Variants in SORCS1 observed in about 807,000 individuals in gnomAD.
SORCS1 encodes sortilin related VPS10 domain containing receptor 1.
Under a neutral mutation model 146.1 loss-of-function variants are expected in SORCS1, and 60 were observed. The observed-to-expected ratio is 0.41, with a 90% CI of 0.33 to 0.51. The LOEUF (loss-of-function observed/expected upper bound fraction) is 0.51, where lower values mean the gene tolerates loss of function less well. SORCS1 is among the 20% of genes least tolerant of loss of function. The pLI, the probability that SORCS1 is intolerant of heterozygous loss-of-function variation, is 0.21. For missense variants in SORCS1, 1,352 were observed against 1,487.6 expected (o/e 0.91, Z 1.50); for synonymous variants, 637 against 584.0 (o/e 1.09, Z -1.31).
At chr10:107,103,295 A>G (rs539964006) in intron 1 of SORCS1, among the ~76,000 whole-genome samples, 3 of 152,320 alleles carry the variant, frequency 2.0e-5, no homozygotes, top group African/African-American at 7.2e-5. Context: ...ACGCTAACCC[A>G]GCCCTTGATG....
chr10:106,671,589 C>T (rs546925025), intron 15 of SORCS1, among the ~76,000 whole-genome samples: 1 of 152,256 alleles, frequency 6.6e-6, no homozygotes, highest in African/African-American at 2.4e-5. Context: ...AAACAACATC[C>T]TTAATTTTGT....
chr10:106,987,613 T>A (rs1956538967), intron 1 of SORCS1, among the ~76,000 whole-genome samples: 1 of 152,164 alleles, frequency 6.6e-6, no homozygotes, highest in African/African-American at 2.4e-5. Context: ...TAAACATAGT[T>A]CCCGCCTACT....
intron 1 of SORCS1, among the ~76,000 whole-genome samples, chr10:107,035,934 CAT>C (rs961412125): frequency 4.0e-5 from 6 of 148,462 alleles, no homozygotes; most frequent in African/African-American, 9.8e-5. Context: ...ATGTTTATAA[CAT>C]ATATATAATA....
chr10:106,753,266 C>T (rs1858392685), intron 5 of SORCS1, among the ~76,000 whole-genome samples: 1 of 152,008 alleles, frequency 6.6e-6, no homozygotes, highest in African/African-American at 2.4e-5. Flanking sequence ...ACTAAATTCA[C>T]CAGGGGGCAG....
the SORCS1 span, among the ~76,000 whole-genome samples, chr10:107,176,914 A>T: frequency 1.3e-5 from 2 of 151,864 alleles, no homozygotes; most frequent in Non-Finnish European, 2.9e-5. Flanking sequence ...AATTTTATTA[A>T]TTTTTTTGGC....
intron 6 of SORCS1, among the ~76,000 whole-genome samples, chr10:106,724,797 CAA>C (rs1276029436): frequency 6.6e-6 from 1 of 152,174 alleles, no homozygotes; most frequent in Non-Finnish European, 1.5e-5. Context: ...ATCTTGACTA[CAA>C]AATATGTGAA....
intron 23 of SORCS1, among the ~76,000 whole-genome samples, chr10:106,606,607 G>A (rs1309809212): frequency 6.6e-6 from 1 of 151,958 alleles, no homozygotes; most frequent in Non-Finnish European, 1.5e-5. Context: ...CTAATTCATT[G>A]TAAACTCCAC....
chr10:106,851,422 T>G (rs1302845448), intron 2 of SORCS1, among the ~76,000 whole-genome samples: 1 of 152,246 alleles, frequency 6.6e-6, no homozygotes. Context: ...TATTTTTGCC[T>G]GTGGGTGTCC....
intron 1 of SORCS1, among the ~76,000 whole-genome samples, chr10:106,972,585 G>GC (rs1027921471): frequency 7.6e-6 from 1 of 132,428 alleles, no homozygotes; most frequent in African/African-American, 4.2e-5. Flanking sequence ...TCAGCTAGGT[G>GC]GGGGGGCTGA....
chr10:106,667,865 CAT>C lies in SORCS1; in HGVS notation c.2190-65_2190-64del, dbSNP rs1851286834. 8.9e-6 allele frequency: 10 copies of C among 1,126,802 alleles called. 1 individual carries two copies. In the South Asian group the frequency reaches 1.0e-4, roughly 12 times the overall value. The allele number at this position is 1,126,802 out of a possible 1,614,324, so 69.8% of individuals were successfully genotyped here. A position where few individuals can be genotyped will look rare whatever the true frequency, so the allele number is the denominator to read the frequency against. Reference sequence around the variant, plus strand: ...GGCAAAATTACTGAAAACAATTCTACATCAGTCCACAGCCAAGTTCCACACTA... The same window carrying C: ...GGCAAAATTACTGAAAACAATTCTACCAGTCCACAGCCAAGTTCCACACTA... On this transcript the variant is annotated intron_variant, in intron 16 of 25. Transcript: ENST00000263054.
intron 22 of SORCS1, among the ~76,000 whole-genome samples, chr10:106,607,777 G>A (rs2133387410): frequency 6.6e-6 from 1 of 152,154 alleles, no homozygotes; most frequent in African/African-American, 2.4e-5. Context: ...TTCTAACCTA[G>A]CTTCCTCCTT....
intron 3 of SORCS1, among the ~76,000 whole-genome samples, chr10:106,777,566 GCA>G (rs1280115880): frequency 6.6e-6 from 1 of 152,192 alleles, no homozygotes; most frequent in Non-Finnish European, 1.5e-5. Flanking sequence ...TGGTTGCTCT[GCA>G]CAGTCTGCAC....
intron 10 of SORCS1, among the ~76,000 whole-genome samples, 196 bp downstream of exon 10, chr10:106,687,996 C>T (rs914874711): frequency 2.0e-5 from 3 of 152,152 alleles, no homozygotes; most frequent in Admixed American, 1.3e-4. Context: ...AGAAATATGC[C>T]CATGTTCTCC....
At chr10:107,110,894 C>G (rs1364438750) in intron 1 of SORCS1, among the ~76,000 whole-genome samples, 1 of 152,038 alleles carries the variant, frequency 6.6e-6, no homozygotes, top group East Asian at 1.9e-4. Context: ...CCCTACTGGC[C>G]AAGGTACTAA....
chr10:106,999,296 T>A (rs1957120898), intron 1 of SORCS1, among the ~76,000 whole-genome samples: 2 of 151,812 alleles, frequency 1.3e-5, no homozygotes, highest in African/African-American at 4.9e-5. Context: ...TAGGCAAACA[T>A]CATTTGTCTT....
Position 106,907,888 on chromosome 10 carries a change from C to A in SORCS1, c.626+48625G>T, listed in dbSNP as rs1422986759. On this transcript the variant is annotated intron_variant, in intron 2 of 25. Coordinates refer to ENST00000263054, the MANE Select transcript of SORCS1 (RefSeq NM_052918.5). Reference sequence around the variant, plus strand: ...GTTGCAGTGAGCCGAGATCACACCACTGCACTCAAAAAAAAAAAAAATTAC... The same window carrying A: ...GTTGCAGTGAGCCGAGATCACACCAATGCACTCAAAAAAAAAAAAAATTAC... 8.7e-5 allele frequency among the ~76,000 whole-genome samples: 13 copies of A among 148,810 alleles called. 1 individual carries two copies.
chr10:106,810,862 A>G (rs1311800967), intron 3 of SORCS1, among the ~76,000 whole-genome samples: 4 of 152,212 alleles, frequency 2.6e-5, no homozygotes, highest in Non-Finnish European at 4.4e-5. Context: ...CCAAATGCAA[A>G]ATACAGCTGT....
At chr10:106,739,528 G>C (rs1474457659) in intron 5 of SORCS1, among the ~76,000 whole-genome samples, 1 of 151,516 alleles carries the variant, frequency 6.6e-6, no homozygotes, top group Non-Finnish European at 1.5e-5. Flanking sequence ...TTTAAACCAG[G>C]CCGGGCGTGG....
At chr10:107,062,375 G>T (rs1230923293) in intron 1 of SORCS1, among the ~76,000 whole-genome samples, 1 of 151,764 alleles carries the variant, frequency 6.6e-6, no homozygotes, top group Non-Finnish European at 1.5e-5. Context: ...GGAATGAGGT[G>T]GATGAAATTA....
Sources: gnomAD v4.1 joint callset for allele counts (sites outside exome capture counted in the v4.1 genomes callset) on GRCh38, gnomAD v4.1.1 for gene constraint, MANE v1.5 for transcripts, NCBI Gene and HGNC (gene_info 2026-07-23, HGNC 2026-07-21) for gene names.